Variants in PECAM1 observed in about 807,000 individuals in gnomAD.
The protein encoded by PECAM1 is platelet endothelial cell adhesion molecule.
PECAM1 carries 8 observed loss-of-function variants against 13.8 expected under a neutral mutation model. That is an observed-to-expected ratio of 0.58 (90% CI 0.34 to 1.05). The LOEUF (loss-of-function observed/expected upper bound fraction) is 1.05. Among genes scored for constraint, PECAM1 ranks in the 50% least tolerant of loss-of-function variants. The probability of loss-of-function intolerance (pLI) is 0.03; values close to 1 mark genes in which losing one functional copy is unlikely to be tolerated. For synonymous variants in PECAM1, 136 were observed against 52.6 expected, an observed-to-expected ratio of 2.58 and a Z score of -6.86; for missense variants, 304 against 141.2, an observed-to-expected ratio of 2.15 and a Z score of -5.84.
chr17:64,354,776 T>TC (rs1475067847), intron 9 of PECAM1, among the ~76,000 whole-genome samples, 157 bp downstream of exon 9: 2 of 152,138 alleles, frequency 1.3e-5, no homozygotes, highest in African/African-American at 4.8e-5. Context: ...AGATGCAATT[T>TC]CCCCCCAAAT....
intron 5 of PECAM1, among the ~76,000 whole-genome samples, chr17:64,367,891 T>C (rs2036147608): frequency 6.6e-6 from 1 of 152,166 alleles, no homozygotes; most frequent in Admixed American, 6.5e-5. Flanking sequence ...GATCAATACT[T>C]AACTAAATTG....
At chr17:64,371,954 A>C (rs1224649782) in intron 4 of PECAM1, among the ~76,000 whole-genome samples, 3 of 152,234 alleles carry the variant, frequency 2.0e-5, no homozygotes, top group Non-Finnish European at 2.9e-5. Context: ...TTCACAATGA[A>C]AATGACAAGG....
At chr17:64,326,497 C>T (rs2034963250) in intron 15 of PECAM1, among the ~76,000 whole-genome samples, 1 of 152,220 alleles carries the variant, frequency 6.6e-6, no homozygotes, top group Admixed American at 6.5e-5. Flanking sequence ...GCCGTGCTGG[C>T]CCCAGAGGCT....
intron 2 of PECAM1, chr17:64,390,100 C>T (rs2036683992): frequency 4.8e-6 from 1 of 206,364 alleles, no homozygotes; most frequent in Admixed American, 5.9e-5. Context: ...TGTTTTTTGC[C>T]ATCTTTTAAA....
chr17:64,385,687 G>C (rs2036577247), intron 2 of PECAM1, among the ~76,000 whole-genome samples: 1 of 152,170 alleles, frequency 6.6e-6, no homozygotes, highest in African/African-American at 2.4e-5. Flanking sequence ...CTGGACTCCA[G>C]TGATATCAGT....
At chr17:64,334,468 C>G (rs61292211) in intron 14 of PECAM1, among the ~76,000 whole-genome samples, 5,059 of 152,182 alleles carry the variant, frequency 0.033, 101 homozygotes, top group East Asian at 0.072. Flanking sequence ...CCGCTCTGCA[C>G]CCAGCTGGCT....
intron 9 of PECAM1, among the ~76,000 whole-genome samples, 155 bp from the exon 10 acceptor site, chr17:64,353,673 C>T (rs2035783430): frequency 6.6e-6 from 1 of 152,110 alleles, no homozygotes; most frequent in Non-Finnish European, 1.5e-5. Flanking sequence ...TGTGAAGGAA[C>T]ACTCTTTTCA....
intron 13 of PECAM1, among the ~76,000 whole-genome samples, chr17:64,342,911 CTGTA>C (rs1289442906): frequency 6.6e-6 from 1 of 151,924 alleles, no homozygotes; most frequent in Non-Finnish European, 1.5e-5. Flanking sequence ...TGTATACACA[CTGTA>C]TGTACAAACA....
chr17:64,325,029 C>T (rs34855656), intron 15 of PECAM1, among the ~76,000 whole-genome samples: 10,774 of 152,282 alleles, frequency 0.071, 485 homozygotes, highest in Non-Finnish European at 0.11. Flanking sequence ...GGTTGCACAG[C>T]AATGTGAACG....
At chr17:64,370,751 G>GT (rs1237575259) in intron 4 of PECAM1, among the ~76,000 whole-genome samples, 2 of 152,182 alleles carry the variant, frequency 1.3e-5, no homozygotes, top group Non-Finnish European at 2.9e-5. Flanking sequence ...CTTCAGGGAA[G>GT]TAGGGATAGG....
chr17:64,373,149 A>AATAAATG (rs2143858633), intron 4 of PECAM1, among the ~76,000 whole-genome samples: 1 of 139,824 alleles, frequency 7.2e-6, no homozygotes, highest in Admixed American at 6.8e-5. Context: ...ATAAATAAAA[A>AATAAATG]AAAAAGAAAA....
intron 7 of PECAM1, among the ~76,000 whole-genome samples, chr17:64,357,776 C>A (rs1451357443): frequency 6.6e-6 from 1 of 152,204 alleles, no homozygotes; most frequent in Non-Finnish European, 1.5e-5. Flanking sequence ...CAGGGCTGGA[C>A]ACATGGTCAG....
At chr17:64,329,187 G>T (rs1249561007) in intron 15 of PECAM1, among the ~76,000 whole-genome samples, 1 of 152,096 alleles carries the variant, frequency 6.6e-6, no homozygotes, top group Non-Finnish European at 1.5e-5. Context: ...CTAGGTCTCT[G>T]TTCTGTGTTC....
In PECAM1 at chr17:64,327,673, CCA is replaced by C. The variant is rs566761916; in HGVS notation, c.2187+2025_2187+2026del. Among the ~76,000 whole-genome samples the C allele has an allele frequency of 1.3e-3, 197 of 152,276 alleles. 1 individual carries two copies. In the Middle Eastern group the frequency reaches 0.017, roughly 13 times the overall value. ...CTTCCATGCTATCTGTCTGCGTCGG[CCA>C]CACACACAATTTATAAACAAGGTAA... On this transcript the variant is annotated intron_variant, in intron 15 of 15. Coordinates refer to ENST00000563924, the MANE Select transcript of PECAM1 (RefSeq NM_000442.5).
At chr17:64,370,198 C>A (rs2036209135) in intron 4 of PECAM1, 173 bp from the exon 5 acceptor site, 2 of 390,672 alleles carry the variant, frequency 5.1e-6, no homozygotes, top group Non-Finnish European at 9.0e-6. Context: ...ATACTCCCTC[C>A]CTTCTCGCTC....
chr17:64,348,180 G>T, intron 13 of PECAM1, 80 bp downstream of exon 13: 1 of 462,506 alleles, frequency 2.2e-6, no homozygotes, highest in South Asian at 7.5e-5. Context: ...TCTTCTCACT[G>T]AACACAGCAC....
chr17:64,334,897 A>C (rs12939215), intron 14 of PECAM1, among the ~76,000 whole-genome samples: 51,716 of 151,842 alleles, frequency 0.34, 8,917 homozygotes, highest in African/African-American at 0.4. Flanking sequence ...ACCAATGCTG[A>C]AAGATCCCTC....
At chr17:64,380,325 T>C (rs2036454731) in intron 2 of PECAM1, among the ~76,000 whole-genome samples, 1 of 143,646 alleles carries the variant, frequency 7.0e-6, no homozygotes, top group African/African-American at 2.6e-5. Context: ...CGAAACTCCA[T>C]CTAAAAAAAA....
intron 6 of PECAM1, among the ~76,000 whole-genome samples, 160 bp from the exon 7 acceptor site, chr17:64,360,575 T>C: frequency 6.8e-6 from 1 of 146,214 alleles, no homozygotes; most frequent in South Asian, 2.2e-4. Flanking sequence ...CCTATGAGAC[T>C]GACAGGCTGT....
Sources: gnomAD v4.1 joint callset for allele counts (sites outside exome capture counted in the v4.1 genomes callset) on GRCh38, gnomAD v4.1.1 for gene constraint, MANE v1.5 for transcripts, NCBI Gene and HGNC (gene_info 2026-07-23, HGNC 2026-07-21) for gene names.